The following RRN3 variants were observed in gnomAD, a reference collection of about 807,000 sequenced individuals.
The protein encoded by RRN3 is RNA polymerase I-specific transcription initiation factor RRN3.
In RRN3, 38 loss-of-function variants were observed where a neutral mutation model predicts 82.3. That is an observed-to-expected ratio of 0.46 (90% CI 0.36 to 0.61). The LOEUF is 0.61. Among genes scored for constraint, RRN3 ranks in the 20% least tolerant of loss-of-function variants. The probability of loss-of-function intolerance (pLI) is 0.00; values close to 1 mark genes in which losing one functional copy is unlikely to be tolerated. For synonymous variants in RRN3, 284 were observed against 284.3 expected (o/e 1.00, Z 0.01); for missense variants, 726 against 793.1 (o/e 0.92, Z 1.02).
intron 7 of RRN3, 86 bp from the exon 8 acceptor site, chr16:15,083,668 T>C (rs2045795857): frequency 1.5e-5 from 23 of 1,566,630 alleles, no homozygotes; most frequent in Non-Finnish European, 2.0e-5. Flanking sequence ...TAAAAGCAAA[T>C]ATTGATAGAC....
chr16:15,074,592 C>T lies in RRN3; in HGVS notation c.997+131G>A, dbSNP rs987626509. ...GGCAAGTAACTTGACCTCTTTAAAT[C>T]ATCTTAAACTCATACTCAATAGATA... On this transcript the variant is annotated intron_variant, in intron 11 of 17. Transcript: ENST00000198767. 6.9e-6 allele frequency: 4 copies of T among 582,252 alleles called. No homozygotes were observed. In the African/African-American group the frequency reaches 7.7e-5, roughly 11 times the overall value. 36.1% of individuals were successfully genotyped at this position (582,252 alleles called of 1,614,324 possible). A position where few individuals can be genotyped will look rare whatever the true frequency, so the allele number is the denominator to read the frequency against.
At chr16:15,087,631 C>G (rs951838221) in intron 3 of RRN3, among the ~76,000 whole-genome samples, 11 of 152,116 alleles carry the variant, frequency 7.2e-5, no homozygotes, top group African/African-American at 2.7e-4. Flanking sequence ...AAAACCACAA[C>G]TCATTTGTAC....
At chr16:15,094,310 T>C (rs1403111964), upstream of RRN3, 6 of 1,316,376 alleles carry the variant, frequency 4.6e-6, no homozygotes, top group African/African-American at 7.4e-5. Flanking sequence ...GTCCCGGAAG[T>C]TGCGCGTGCC....
chr16:15,087,750 T>A (rs948567325), intron 3 of RRN3, among the ~76,000 whole-genome samples: 3 of 152,158 alleles, frequency 2.0e-5, no homozygotes, highest in African/African-American at 7.2e-5. Context: ...TAAAATAAAC[T>A]ATCCTATCTC....
chr16:15,087,290 A>G (rs2045947170), intron 3 of RRN3, among the ~76,000 whole-genome samples: 1 of 152,216 alleles, frequency 6.6e-6, no homozygotes, highest in Non-Finnish European at 1.5e-5. Context: ...CTGACACTCC[A>G]CATATATATC....
chr16:15,083,033 C>T (rs1026107803), intron 8 of RRN3, among the ~76,000 whole-genome samples: 8 of 152,190 alleles, frequency 5.3e-5, no homozygotes, highest in African/African-American at 1.9e-4. Flanking sequence ...CCCCAATAGC[C>T]GCTTTATAAG....
intron 9 of RRN3, among the ~76,000 whole-genome samples, chr16:15,077,339 G>T (rs1258523105): frequency 6.6e-6 from 1 of 152,086 alleles, no homozygotes; most frequent in Non-Finnish European, 1.5e-5. Context: ...GGGGGGGACT[G>T]GTGGGAGATA....
intron 3 of RRN3, among the ~76,000 whole-genome samples, chr16:15,089,674 A>G (rs2046045038): frequency 6.9e-6 from 1 of 144,642 alleles, no homozygotes; most frequent in African/African-American, 2.6e-5. Context: ...GTGGCGGGCG[A>G]GTGTAGTCTC....
chr16:15,081,625 G>C (rs985635240), intron 8 of RRN3, among the ~76,000 whole-genome samples: 1 of 152,142 alleles, frequency 6.6e-6, no homozygotes, highest in African/African-American at 2.4e-5. Context: ...ATTATTTGGG[G>C]ATCCTTTTCA....
Position 15,061,609 on chromosome 16 carries a change from T to G in RRN3, c.*135A>C, listed in dbSNP as rs187115052. The G allele has an allele frequency of 1.4e-6, 1 of 715,258 alleles. No homozygotes were observed. The highest frequency in any genetic ancestry group is 2.3e-6 in the Non-Finnish European group (1 of 443,756). 44.3% of individuals were successfully genotyped at this position (715,258 alleles called of 1,614,324 possible). On this transcript the variant is annotated 3_prime_UTR_variant, in exon 18 of 18. Coordinates refer to ENST00000198767, the MANE Select transcript of RRN3 (RefSeq NM_018427.5). ...TTCAGATGCTTGATTCAGTCGAACC[T>G]GGAAGTGCCACAGCCGAGGCAGGCA... is the stretch of plus-strand genomic sequence containing the variant.
intron 9 of RRN3, among the ~76,000 whole-genome samples, chr16:15,078,253 T>A (rs2045549570): frequency 6.6e-6 from 1 of 152,170 alleles, no homozygotes; most frequent in South Asian, 2.1e-4. Context: ...TGTTCCATCT[T>A]CCTGCTTTCC....
chr16:15,077,771 G>C (rs1307351120), intron 9 of RRN3, among the ~76,000 whole-genome samples: 1 of 152,232 alleles, frequency 6.6e-6, no homozygotes, highest in African/African-American at 2.4e-5. Context: ...AACCCCGGAG[G>C]TGGAGGTTGC....
At chr16:15,063,549 A>G (rs894189678) in intron 16 of RRN3, among the ~76,000 whole-genome samples, 18 of 152,098 alleles carry the variant, frequency 1.2e-4, no homozygotes, top group African/African-American at 4.3e-4. Flanking sequence ...TCTACTAAAA[A>G]TACAAAAAAT....
intron 10 of RRN3, among the ~76,000 whole-genome samples, chr16:15,075,077 C>G (rs1362561429): frequency 1.3e-5 from 2 of 151,210 alleles, no homozygotes; most frequent in East Asian, 3.9e-4. Flanking sequence ...TGGTAAAACT[C>G]TGTCTCTACT....
chr16:15,081,755 C>A (rs118130971), intron 8 of RRN3, among the ~76,000 whole-genome samples: 1 of 152,148 alleles, frequency 6.6e-6, no homozygotes, highest in African/African-American at 2.4e-5. Context: ...CCTAAACCAA[C>A]ATCATGAAAA....
At chr16:15,071,676 G>A (rs946285831) in intron 12 of RRN3, among the ~76,000 whole-genome samples, 2 of 152,172 alleles carry the variant, frequency 1.3e-5, no homozygotes, top group African/African-American at 2.4e-5. Context: ...GCTGAGGCAG[G>A]AGAATCGCTT....
chr16:15,068,951 T>C (rs1208530903), intron 14 of RRN3, among the ~76,000 whole-genome samples: 1 of 152,244 alleles, frequency 6.6e-6, no homozygotes, highest in Non-Finnish European at 1.5e-5. Flanking sequence ...CTAAATGGGA[T>C]GTCACAGCTT....
At chr16:15,082,390 C>T (rs930307711) in intron 8 of RRN3, among the ~76,000 whole-genome samples, 1 of 151,940 alleles carries the variant, frequency 6.6e-6, no homozygotes, top group African/African-American at 2.4e-5. Flanking sequence ...AACTCAATCT[C>T]GGCCGGTCAC....
chr16:15,065,037 G>C (rs1353467482), intron 16 of RRN3, among the ~76,000 whole-genome samples, 182 bp downstream of exon 16: 1 of 152,050 alleles, frequency 6.6e-6, no homozygotes, highest in Admixed American at 6.6e-5. Context: ...GTGGCAGTGG[G>C]TGCCTGTAGT....
Sources: allele counts gnomAD v4.1 joint callset (sites outside exome capture counted in the v4.1 genomes callset), GRCh38; gene constraint gnomAD v4.1.1; transcripts MANE v1.5; gene names NCBI Gene and HGNC (gene_info 2026-07-23, HGNC 2026-07-21).